The following GALNT17 variants were observed in gnomAD, a reference collection of about 807,000 sequenced individuals.
The protein encoded by GALNT17 is polypeptide N-acetylgalactosaminyltransferase 17.
A neutral mutation model predicts 63.7 loss-of-function variants in GALNT17; 29 were observed. The observed-to-expected ratio is 0.46, with a 90% confidence interval of 0.34 to 0.62. GALNT17 has a LOEUF of 0.62. Ranked by LOEUF, GALNT17 falls within the 20% of genes least tolerant of loss-of-function variation. The pLI is 0.01. For missense variants in GALNT17, 603 were observed against 799.6 expected (o/e 0.75, Z 2.97); for synonymous variants, 305 against 318.3 (o/e 0.96, Z 0.45).
At chr7:71,705,087 G>A (rs10278031) in intron 9 of GALNT17, among the ~76,000 whole-genome samples, 20,763 of 152,128 alleles carry the variant, frequency 0.14, 1,623 homozygotes, top group African/African-American at 0.2. Context: ...CCCACAGAAT[G>A]GGAGAAAATA....
chr7:71,524,453 C>G (rs1161267268), intron 5 of GALNT17, among the ~76,000 whole-genome samples: 1 of 151,996 alleles, frequency 6.6e-6, no homozygotes, highest in Admixed American at 6.6e-5. Flanking sequence ...TTGAAAACCA[C>G]TGATCTAAAC....
intron 6 of GALNT17, among the ~76,000 whole-genome samples, chr7:71,618,459 G>A (rs1052405183): frequency 1.3e-5 from 2 of 152,034 alleles, no homozygotes; most frequent in African/African-American, 2.4e-5. Flanking sequence ...CTTTTCTCCC[G>A]TGCCATGCCA....
At chr7:71,428,302 G>A (rs564820992) in intron 5 of GALNT17, among the ~76,000 whole-genome samples, 2 of 152,132 alleles carry the variant, frequency 1.3e-5, no homozygotes, top group African/African-American at 4.8e-5. Flanking sequence ...CTGTCTCTAT[G>A]GATTTGCCTA....
chr7:71,275,573 T>C (rs537995874), intron 1 of GALNT17, among the ~76,000 whole-genome samples: 1 of 152,300 alleles, frequency 6.6e-6, no homozygotes, highest in South Asian at 2.1e-4. Context: ...CCATGGCCTT[T>C]TGTGAACACA....
intron 5 of GALNT17, among the ~76,000 whole-genome samples, chr7:71,544,235 C>T (rs1372662540): frequency 2.0e-5 from 3 of 150,914 alleles, no homozygotes; most frequent in Admixed American, 6.6e-5. Flanking sequence ...GGGTTCATGC[C>T]ATTCTCCTGC....
chr7:71,180,541 T>C (rs1321708922), intron 1 of GALNT17, among the ~76,000 whole-genome samples: 1 of 152,204 alleles, frequency 6.6e-6, no homozygotes, highest in Admixed American at 6.5e-5. Flanking sequence ...ATGCAGTCTC[T>C]CATTTTGATC....
Position 71,555,281 on chromosome 7 carries a change from G to C in GALNT17, c.963-16004G>C, listed in dbSNP as rs1205187869. The stretch of plus-strand genomic sequence containing the variant: ...ATTATATCAGTCTTTTGGGGCACTG[G>C]AACTTTCCCATATGTCAGTACTTCT... On this transcript the variant is annotated intron_variant, in intron 5 of 10. Transcript: ENST00000333538. Among the ~76,000 whole-genome samples the C allele has an allele frequency of 2.0e-5, 3 of 151,628 alleles. No individual in the cohort carries two copies. The East Asian group carries it at 5.8e-4, about 29-fold the overall frequency.
rs182380763 is a variant in GALNT17 at position 71,658,210 on chromosome 7, T to G, written c.1081-7201T>G. On this transcript the variant is annotated intron_variant, in intron 6 of 10. Transcript: ENST00000333538. ...TCATATGCCACTGCGCTGGGCCTAG[T>G]GAAAGTGTTTAGTAAATGATGAAGT... Among the ~76,000 whole-genome samples, 13 of 152,238 alleles carry G rather than the reference T, an allele frequency of 8.5e-5. No homozygotes were observed. In the East Asian group the frequency reaches 2.5e-3, roughly 29 times the overall value.
At chr7:71,392,103 G>A (rs1367550432) in intron 3 of GALNT17, among the ~76,000 whole-genome samples, 1 of 152,182 alleles carries the variant, frequency 6.6e-6, no homozygotes, top group Non-Finnish European at 1.5e-5. Context: ...TTCAACATGA[G>A]ATTTGGAGGG....
rs1791165116 is a variant in GALNT17 at position 71,677,249 on chromosome 7, G to C, written c.1443G>C (p.Gln481His). 6.2e-7 allele frequency: 1 copy of C among 1,613,828 alleles called. No homozygotes were observed. Among genetic ancestry groups the C allele is most frequent in the Admixed American group, 1.7e-5 (1 of 59,968 alleles). ...AGGCAAAAGACGTCTGCTTGGACCA[G>C]GGGCCGCTGGAGAACCACACAGCAA... Reference protein sequence around the residue: ...NNKAKDVCLDQGPLENHTAIL... With the variant: ...NNKAKDVCLDHGPLENHTAIL... Residue 481 changes from glutamine (Q) to histidine (H), a missense_variant, in exon 9 of 11, where the codon CAG (glutamine) becomes CAC (histidine). By Grantham distance (24) the Gln-to-His change is conservative. Around this residue, in one of 3 missense-constraint regions of GALNT17, gnomAD observed 336 missense variants for 507.8 expected, o/e 0.66. Coordinates refer to ENST00000333538, the MANE Select transcript of GALNT17 (RefSeq NM_022479.3).
chr7:71,592,508 A>G (rs1789817814), intron 6 of GALNT17, among the ~76,000 whole-genome samples: 1 of 68,932 alleles, frequency 1.5e-5, no homozygotes, highest in Admixed American at 1.6e-4. Flanking sequence ...AAATAAAATA[A>G]AATAAAATAA....
intron 1 of GALNT17, among the ~76,000 whole-genome samples, chr7:71,240,373 C>T (rs1040367927): frequency 2.0e-5 from 3 of 152,232 alleles, no homozygotes; most frequent in African/African-American, 7.2e-5. Context: ...GTGAACTCAT[C>T]ACCTAGGTAG....
intron 1 of GALNT17, among the ~76,000 whole-genome samples, chr7:71,237,756 G>C (rs1169514390): frequency 6.6e-6 from 1 of 151,724 alleles, no homozygotes; most frequent in Admixed American, 6.6e-5. Context: ...ACAGCCAGGG[G>C]CTTAATAAAT....
chr7:71,199,491 A>T (rs997938915), intron 1 of GALNT17, among the ~76,000 whole-genome samples: 1 of 151,784 alleles, frequency 6.6e-6, no homozygotes, highest in East Asian at 1.9e-4. Context: ...TCATCCATCC[A>T]CACACACATC....
intron 1 of GALNT17, among the ~76,000 whole-genome samples, chr7:71,296,967 A>C (rs6976905): frequency 0.54 from 82,225 of 152,054 alleles, 22,630 homozygotes; most frequent in East Asian, 0.83. Flanking sequence ...AGGATAGGAA[A>C]CTAATTCCTA....
At chr7:71,349,583 C>T (rs77086353) in intron 2 of GALNT17, among the ~76,000 whole-genome samples, 2,467 of 152,282 alleles carry the variant, frequency 0.016, 49 homozygotes, top group East Asian at 0.11. Flanking sequence ...GAAGACGTGA[C>T]GGAACCAATG....
At chr7:71,171,121 C>T (rs970259955) in intron 1 of GALNT17, among the ~76,000 whole-genome samples, 2 of 152,170 alleles carry the variant, frequency 1.3e-5, no homozygotes, top group Non-Finnish European at 2.9e-5. Flanking sequence ...ATTTAAGTCT[C>T]GTTAGAAATC....
At chr7:71,149,476 G>A (rs372404531) in intron 1 of GALNT17, among the ~76,000 whole-genome samples, 10 of 152,106 alleles carry the variant, frequency 6.6e-5, no homozygotes, top group East Asian at 1.9e-4. Flanking sequence ...CTGTAGGGGG[G>A]GCGAAACGTG....
chr7:71,302,893 G>A (rs1019820804), intron 1 of GALNT17, among the ~76,000 whole-genome samples: 7 of 152,078 alleles, frequency 4.6e-5, no homozygotes, highest in Non-Finnish European at 8.8e-5. Flanking sequence ...ACAGAGTCTC[G>A]TTCTGTCGCC....
Sources: gnomAD v4.1 joint callset for allele counts (sites outside exome capture counted in the v4.1 genomes callset) on GRCh38, gnomAD v4.1.1 for gene constraint, gnomAD v4.1.1 regional missense constraint, MANE v1.5 for transcripts, NCBI Gene and HGNC (gene_info 2026-07-23, HGNC 2026-07-21) for gene names.